The following TCF4 variants were observed in gnomAD, a reference collection of about 807,000 sequenced individuals.
TCF4 encodes the protein transcription factor 4.
In TCF4, 3 loss-of-function variants were observed where a neutral mutation model predicts 82.1. That is an observed-to-expected ratio of 0.04 (90% CI 0.02 to 0.09). TCF4 has a LOEUF of 0.09. Among genes scored for constraint, TCF4 ranks in the 10% least tolerant of loss-of-function variants. The probability of loss-of-function intolerance (pLI) is 1.00; values close to 1 mark genes in which losing one functional copy is unlikely to be tolerated. For missense variants in TCF4, 518 were observed against 852.7 expected (o/e 0.61, Z 4.89); for synonymous variants, 276 against 309.6 (o/e 0.89, Z 1.14).
chr18:55,249,826 C>T (rs1017467700), intron 15 of TCF4, among the ~76,000 whole-genome samples: 13 of 152,124 alleles, frequency 8.5e-5, no homozygotes, highest in African/African-American at 2.7e-4. Flanking sequence ...CACATAGAGT[C>T]ACATAAAGAC....
At chr18:55,274,017 A>G (rs996789183) in intron 10 of TCF4, among the ~76,000 whole-genome samples, 1 of 152,102 alleles carries the variant, frequency 6.6e-6, no homozygotes. Context: ...CAAATGGGCA[A>G]CTCTTAAAAG....
intron 8 of TCF4, among the ~76,000 whole-genome samples, chr18:55,348,038 T>C (rs954218582): frequency 3.3e-5 from 5 of 152,202 alleles, no homozygotes; most frequent in Admixed American, 2.6e-4. Flanking sequence ...TCTAAAAATA[T>C]AGAAATACAG....
At chr18:55,274,396 T>C (rs1336933751) in intron 10 of TCF4, among the ~76,000 whole-genome samples, 1 of 152,158 alleles carries the variant, frequency 6.6e-6, no homozygotes, top group Non-Finnish European at 1.5e-5. Context: ...CAGGAATGTA[T>C]AGGCTAATTG....
At chr18:55,626,773 A>C (rs1242388070) in intron 2 of TCF4, among the ~76,000 whole-genome samples, 1 of 152,210 alleles carries the variant, frequency 6.6e-6, no homozygotes, top group Non-Finnish European at 1.5e-5. Context: ...TTTCCACTTA[A>C]AGGCAAATAA....
intron 8 of TCF4, among the ~76,000 whole-genome samples, chr18:55,310,286 T>C (rs143818356): frequency 7.7e-4 from 117 of 152,308 alleles, no homozygotes; most frequent in African/African-American, 2.6e-3. Flanking sequence ...AATGAAAGCA[T>C]ATCTGTACAC....
intron 6 of TCF4, among the ~76,000 whole-genome samples, chr18:55,372,664 C>A (rs2089611290): frequency 6.6e-6 from 1 of 151,560 alleles, no homozygotes; most frequent in Non-Finnish European, 1.5e-5. Flanking sequence ...CCCAAAAAAA[C>A]CCAGAACAAC....
At position 55,261,553 on chromosome 18, in the gene TCF4, A is replaced by T. The variant is rs1291124497; in HGVS notation, c.923-20T>A. On this transcript the variant is annotated intron_variant, in intron 11 of 19. Transcript: ENST00000354452. The stretch of plus-strand genomic sequence containing the variant: ...TATTTGCTGCAAAAACAAAAGGCAG[A>T]ATATGAAAACCAGGCAGTGAGACGT... The T allele has an allele frequency of 6.2e-7, 1 of 1,613,898 alleles. No homozygotes were observed. Among genetic ancestry groups the T allele is most frequent in the Admixed American group, 1.7e-5 (1 of 60,010 alleles).
intron 3 of TCF4, among the ~76,000 whole-genome samples, chr18:55,513,486 AAG>A (rs923945968): frequency 3.2e-4 from 48 of 152,194 alleles, no homozygotes; most frequent in Admixed American, 2.6e-3. Flanking sequence ...CAAATAGTGA[AAG>A]AGTGTAGTTT....
chr18:55,358,170 C>G (rs1028294508), intron 6 of TCF4, among the ~76,000 whole-genome samples: 3 of 152,228 alleles, frequency 2.0e-5, no homozygotes, highest in African/African-American at 7.2e-5. Context: ...TCTACAGTGC[C>G]TGGCGCAGAG....
intron 6 of TCF4, among the ~76,000 whole-genome samples, chr18:55,390,592 T>C (rs1477875281): frequency 6.6e-6 from 1 of 152,194 alleles, no homozygotes; most frequent in Non-Finnish European, 1.5e-5. Flanking sequence ...AAAGATAAAA[T>C]TATCTGTACC....
At chr18:55,284,405 C>A (rs1431864088) in intron 8 of TCF4, 1 of 151,298 alleles carries the variant, frequency 6.6e-6, no homozygotes, top group African/African-American at 2.4e-5. Flanking sequence ...GGGCAAGATT[C>A]CGTCTCAAAA....
At chr18:55,445,962 G>C (rs112299473) in intron 5 of TCF4, among the ~76,000 whole-genome samples, 1,593 of 152,246 alleles carry the variant, frequency 0.01, 33 homozygotes, top group African/African-American at 0.036. Context: ...GGCTCTAAGA[G>C]TTCACATTCC....
At chr18:55,621,659 ATACATTATATAATATACATTATATATT>A (rs1568500905) in intron 2 of TCF4, among the ~76,000 whole-genome samples, 6 of 49,032 alleles carry the variant, frequency 1.2e-4, no homozygotes, top group Non-Finnish European at 2.3e-4. Context: ...ATTATATAAT[ATACATTATATAATATACATTATATATT>A]ATATTATATA....
chr18:55,315,247 G>A (rs1010944671), intron 8 of TCF4, among the ~76,000 whole-genome samples: 2 of 152,112 alleles, frequency 1.3e-5, no homozygotes, highest in Non-Finnish European at 2.9e-5. Context: ...TGGGGAGAAC[G>A]GAGTTTAAAG....
Position 55,585,487 on chromosome 18 carries a change from C to G in TCF4, c.73-135G>C, listed in dbSNP as rs1052794946. 3 of 829,160 alleles carry G rather than the reference C, an allele frequency of 3.6e-6. No individual in the cohort carries two copies. The Admixed American group carries it at 7.2e-5, about 20-fold the overall frequency. 51.4% of individuals were successfully genotyped at this position (829,160 alleles called of 1,614,324 possible). A position where few individuals can be genotyped will look rare whatever the true frequency, so the allele number is the denominator to read the frequency against. On this transcript the variant is annotated intron_variant, in intron 2 of 19. Transcript: ENST00000354452. The stretch of plus-strand genomic sequence containing the variant: ...TTTATTTAGTAAAATACATCACCAT[C>G]CAACTTAAAACTAAAAGAGAAACAA...
chr18:55,617,811 CTGTGTGTGTGTG>C (rs74182107), intron 2 of TCF4, among the ~76,000 whole-genome samples: 19 of 140,676 alleles, frequency 1.4e-4, no homozygotes, highest in African/African-American at 3.4e-4. Context: ...TTAATTCTAA[CTGTGTGTGTGTG>C]TGTGTGTGTG....
rs567140186 is a variant in TCF4, at chr18:55,609,640, A to C, written c.286+21658T>G. The stretch of plus-strand genomic sequence containing the variant: ...ACAAAAAAGGCAGGAGTATCATGAC[A>C]TGAACATGTCATAACCCTGAAGACA... On this transcript the variant is annotated intron_variant, in intron 2 of 20. Coordinates refer to the TCF4 transcript ENST00000398339. 2.6e-5 allele frequency among the ~76,000 whole-genome samples: 4 copies of C among 152,350 alleles called. No homozygotes were observed. The East Asian group carries it at 7.7e-4, about 29-fold the overall frequency.
At chr18:55,505,938 T>A (rs2096754776) in intron 3 of TCF4, among the ~76,000 whole-genome samples, 1 of 152,058 alleles carries the variant, frequency 6.6e-6, no homozygotes, top group African/African-American at 2.4e-5. Context: ...AATCTAAAGA[T>A]TACTGCAAAA....
At chr18:55,408,956 G>T (rs971798542) in intron 5 of TCF4, among the ~76,000 whole-genome samples, 1 of 152,100 alleles carries the variant, frequency 6.6e-6, no homozygotes, top group African/African-American at 2.4e-5. Context: ...CATTTACATG[G>T]TGTTTTATTC....
Sources: gnomAD v4.1 joint callset for allele counts (sites outside exome capture counted in the v4.1 genomes callset) on GRCh38, gnomAD v4.1.1 for gene constraint, MANE v1.5 for transcripts, NCBI Gene and HGNC (gene_info 2026-07-23, HGNC 2026-07-21) for gene names.